CNTNAP2: variants seen among roughly 807,000 people sequenced by gnomAD.
The protein encoded by CNTNAP2 is contactin associated protein 2, also known as contactin-associated protein-like 2.
CNTNAP2 carries 98 observed loss-of-function variants against 155.2 expected under a neutral mutation model. The observed-to-expected ratio is 0.63, with a 90% CI of 0.54 to 0.75. CNTNAP2 has a LOEUF of 0.75. Ranked by LOEUF, CNTNAP2 falls within the 30% of genes least tolerant of loss-of-function variation. The pLI is 0.00. For synonymous variants in CNTNAP2, 651 were observed against 631.2 expected, an observed-to-expected ratio of 1.03 and a Z score of -0.47; for missense variants, 1,727 against 1,688.1, an observed-to-expected ratio of 1.02 and a Z score of -0.40.
intron 3 of CNTNAP2, among the ~76,000 whole-genome samples, chr7:146,925,526 T>G (rs181590383): frequency 6.6e-6 from 1 of 152,250 alleles, no homozygotes; most frequent in African/African-American, 2.4e-5. Context: ...TTAATTATGT[T>G]GTTATGTTAA....
At chr7:147,599,130 CAT>C (rs1800889531) in intron 12 of CNTNAP2, among the ~76,000 whole-genome samples, 1 of 152,018 alleles carries the variant, frequency 6.6e-6, no homozygotes, top group Non-Finnish European at 1.5e-5. Context: ...TTGCCTAGAA[CAT>C]AGAACAGGGG....
At chr7:146,376,404 C>T (rs924278051) in intron 1 of CNTNAP2, among the ~76,000 whole-genome samples, 2 of 152,032 alleles carry the variant, frequency 1.3e-5, no homozygotes, top group Admixed American at 1.3e-4. Context: ...CAGAATACAA[C>T]ATGCTATAAT....
intron 1 of CNTNAP2, among the ~76,000 whole-genome samples, chr7:146,311,394 C>A (rs1442158435): frequency 6.6e-6 from 1 of 151,908 alleles, no homozygotes; most frequent in Non-Finnish European, 1.5e-5. Context: ...TATTACACAT[C>A]ATTTTTGGTT....
chr7:148,228,674 A>C (rs576734872), intron 19 of CNTNAP2, among the ~76,000 whole-genome samples: 2 of 151,218 alleles, frequency 1.3e-5, no homozygotes, highest in African/African-American at 2.4e-5. Flanking sequence ...ATACCAAAAA[A>C]AAAATTAGCC....
At chr7:147,544,812 A>C (rs1346163549) in intron 11 of CNTNAP2, among the ~76,000 whole-genome samples, 1 of 152,032 alleles carries the variant, frequency 6.6e-6, no homozygotes, top group Non-Finnish European at 1.5e-5. Flanking sequence ...TGATGGTTTT[A>C]TAAGGGGTGT....
intron 1 of CNTNAP2, among the ~76,000 whole-genome samples, chr7:146,436,679 C>T (rs1165081949): frequency 6.8e-6 from 1 of 147,100 alleles, no homozygotes; most frequent in African/African-American, 2.7e-5. Context: ...ACCTCTAAAA[C>T]TTGATAAATA....
chr7:146,185,068 A>G (rs1798603466), intron 1 of CNTNAP2, among the ~76,000 whole-genome samples: 1 of 152,190 alleles, frequency 6.6e-6, no homozygotes, highest in Non-Finnish European at 1.5e-5. Flanking sequence ...AGGTTGTCCA[A>G]AAATTAATAT....
At chr7:147,660,240 C>G (rs1377561627) in intron 13 of CNTNAP2, among the ~76,000 whole-genome samples, 1 of 152,156 alleles carries the variant, frequency 6.6e-6, no homozygotes, top group African/African-American at 2.4e-5. Flanking sequence ...TCAATGTATT[C>G]CTTTGTACCC....
chr7:147,370,274 C>T (rs180779362), intron 9 of CNTNAP2, among the ~76,000 whole-genome samples: 54 of 152,228 alleles, frequency 3.5e-4, no homozygotes, highest in African/African-American at 1.2e-3. Context: ...ATACTGTTTC[C>T]GTGCATCTGT....
intron 1 of CNTNAP2, among the ~76,000 whole-genome samples, chr7:146,582,515 A>G (rs1043485630): frequency 1.3e-5 from 2 of 152,154 alleles, no homozygotes; most frequent in African/African-American, 4.8e-5. Flanking sequence ...AGGGAAAATA[A>G]ACAGTGATTT....
chr7:147,667,807 ATAAT>A (rs755837641), intron 13 of CNTNAP2, among the ~76,000 whole-genome samples: 4,352 of 148,456 alleles, frequency 0.029, 98 homozygotes, highest in Middle Eastern at 0.057. Context: ...AAAAAAAAAA[ATAAT>A]AAAAAAAATA....
At chr7:146,876,913 A>G (rs1433887484) in intron 3 of CNTNAP2, among the ~76,000 whole-genome samples, 2 of 152,176 alleles carry the variant, frequency 1.3e-5, no homozygotes, top group South Asian at 2.1e-4. Flanking sequence ...ATAATTAAGT[A>G]GACTTAGTGC....
intron 2 of CNTNAP2, among the ~76,000 whole-genome samples, chr7:146,800,809 TGAGGAATACAG>T (rs754446649): frequency 5.9e-5 from 9 of 152,060 alleles, no homozygotes; most frequent in Non-Finnish European, 1.3e-4. Context: ...TAGGATTTAC[TGAGGAATACAG>T]AGAAGAGTAA....
chr7:147,862,032 C>T (rs6955775), intron 13 of CNTNAP2, among the ~76,000 whole-genome samples: 86,409 of 140,394 alleles, frequency 0.62, 26,286 homozygotes, highest in Middle Eastern at 0.73. Flanking sequence ...AATTAAGACA[C>T]GAAGGATAGG....
At chr7:146,153,166 A>G in intron 1 of CNTNAP2, among the ~76,000 whole-genome samples, 1 of 152,128 alleles carries the variant, frequency 6.6e-6, no homozygotes, top group East Asian at 1.9e-4. Context: ...GTGTTGCTTC[A>G]TGGAAAATTG....
At chr7:146,396,732 T>C (rs963748404) in intron 1 of CNTNAP2, among the ~76,000 whole-genome samples, 8 of 151,112 alleles carry the variant, frequency 5.3e-5, no homozygotes, top group African/African-American at 1.9e-4. Flanking sequence ...TATATATATG[T>C]ATATAAATAT....
chr7:146,526,042 CT>C (rs1051342802), intron 1 of CNTNAP2, among the ~76,000 whole-genome samples: 1 of 151,520 alleles, frequency 6.6e-6, no homozygotes, highest in Non-Finnish European at 1.5e-5. Context: ...TTGAGTGAAG[CT>C]TTTTTTTCTG....
chr7:146,765,867 G>A (rs936383912), intron 1 of CNTNAP2, among the ~76,000 whole-genome samples: 1 of 152,146 alleles, frequency 6.6e-6, no homozygotes, highest in African/African-American at 2.4e-5. Flanking sequence ...GAGAATTTTA[G>A]CTGGACAGCG....
At position 147,016,416 on chromosome 7, in the gene CNTNAP2, A is replaced by G. The variant is rs541675562; in HGVS notation, c.403-27491A>G. On this transcript the variant is annotated intron_variant, in intron 3 of 23. Transcript: ENST00000361727. ...TCAAATCTCCCCTCTTGTTCATGAT[A>G]GAGTCTTCTGTAGAAAATCTATAAA... 2.6e-5 allele frequency among the ~76,000 whole-genome samples: 4 copies of G among 152,226 alleles called. No homozygotes were observed. In the South Asian group the frequency reaches 8.3e-4, roughly 32 times the overall value.
Sources: allele counts gnomAD v4.1 joint callset (sites outside exome capture counted in the v4.1 genomes callset), GRCh38; gene constraint gnomAD v4.1.1; transcripts MANE v1.5; gene names NCBI Gene and HGNC (gene_info 2026-07-23, HGNC 2026-07-21).